Variants in SASH3 observed in about 807,000 individuals in gnomAD.
The protein encoded by SASH3 is SAM and SH3 domain-containing protein 3.
A neutral mutation model predicts 26.1 loss-of-function variants in SASH3; 7 were observed. That is an observed-to-expected ratio of 0.27 (90% CI 0.15 to 0.50). The LOEUF (loss-of-function observed/expected upper bound fraction) is 0.50, where lower values mean the gene tolerates loss of function less well. SASH3 is among the 20% of genes least tolerant of loss of function. SASH3 has a pLI of 0.98. For missense variants in SASH3, 231 were observed against 318.3 expected, an observed-to-expected ratio of 0.73 and a Z score of 2.09; for synonymous variants, 138 against 136.8, an observed-to-expected ratio of 1.01 and a Z score of -0.06.
At chrX:129,781,066 C>A (rs1219188479) in intron 1 of SASH3, among the ~76,000 whole-genome samples, 1 of 112,196 alleles carries the variant, frequency 8.9e-6, no homozygotes, top group Non-Finnish European at 1.9e-5. Context: ...TTGAAGGATT[C>A]TCCCAGACAA....
At chrX:129,785,606 G>A (rs1304658752) in intron 1 of SASH3, among the ~76,000 whole-genome samples, 2 of 112,163 alleles carry the variant, frequency 1.8e-5, no homozygotes, top group Admixed American at 9.4e-5. Flanking sequence ...TTAATGACAG[G>A]AAAAGGCCTT....
chrX:129,786,734 C>T (rs1027994956), intron 1 of SASH3, among the ~76,000 whole-genome samples: 3 of 112,174 alleles, frequency 2.7e-5, no homozygotes, highest in East Asian at 2.8e-4. Flanking sequence ...CGGTGGCTCA[C>T]GCCTGTAATC....
At chrX:129,789,161 GAAAGAGA>G (rs1233306202) in intron 3 of SASH3, among the ~76,000 whole-genome samples, 13 of 61,449 alleles carry the variant, frequency 2.1e-4, no homozygotes, top group East Asian at 1.9e-3. Flanking sequence ...AAGAAAGAAA[GAAAGAGA>G]AAAAAAAAAA....
chrX:129,780,741 C>T (rs1927001278), intron 1 of SASH3, among the ~76,000 whole-genome samples: 1 of 112,983 alleles, frequency 8.9e-6, no homozygotes, highest in Non-Finnish European at 1.9e-5. Flanking sequence ...GGGCCTGAGG[C>T]CATTCCAGTC....
At chrX:129,788,123 G>C in intron 2 of SASH3, 53 bp downstream of exon 2, 1 of 745,279 alleles carries the variant, frequency 1.3e-6, no homozygotes, top group Non-Finnish European at 2.0e-6. Flanking sequence ...GGGCAGGGGG[G>C]TGGGGGTGGG....
At chrX:129,783,188 C>T (rs1187481226) in intron 1 of SASH3, among the ~76,000 whole-genome samples, 1 of 111,440 alleles carries the variant, frequency 9.0e-6, no homozygotes, top group Non-Finnish European at 1.9e-5. Context: ...CTTTTCTACT[C>T]CCCCACCCAC....
chrX:129,788,158 G>C (rs1927143549), intron 2 of SASH3, 88 bp downstream of exon 2: 1 of 745,264 alleles, frequency 1.3e-6, no homozygotes, highest in Admixed American at 3.1e-5. Flanking sequence ...AGAGGAGATA[G>C]AATTGTTGGG....
intron 3 of SASH3, 67 bp from the exon 4 acceptor site, chrX:129,790,873 C>T (rs1927216572): frequency 8.7e-7 from 1 of 1,147,093 alleles, no homozygotes; most frequent in Non-Finnish European, 1.2e-6. Context: ...AAGCCCAGGC[C>T]CATTTCTTCA....
At chrX:129,786,048 T>G (rs1413313633) in intron 1 of SASH3, among the ~76,000 whole-genome samples, 1 of 111,295 alleles carries the variant, frequency 9.0e-6, no homozygotes, top group Non-Finnish European at 1.9e-5. Context: ...ATGGAGGAGA[T>G]GCAGGTGAAC....
At position 129,793,980 on chromosome X, in the gene SASH3, C is replaced by CA. The variant is rs1927283197; in HGVS notation, c.*149dup. 1 of 533,801 alleles carries CA rather than the reference C, an allele frequency of 1.9e-6. No homozygotes were observed. The highest frequency in any genetic ancestry group is 2.3e-5 in the African/African-American group (1 of 42,967). 44.0% of individuals were successfully genotyped at this position (533,801 alleles called of 1,213,427 possible). A position where few individuals can be genotyped will look rare whatever the true frequency, so the allele number is the denominator to read the frequency against. Reference sequence around the variant, plus strand: ...ACACTTAGGGCCACAGAGGCCAGGCCAGGGCCCTACAGGTTCCAGGCTCAG... The same window carrying CA: ...ACACTTAGGGCCACAGAGGCCAGGCCAAGGGCCCTACAGGTTCCAGGCTCAG... On this transcript the variant is annotated 3_prime_UTR_variant, in exon 8 of 8. Coordinates refer to ENST00000356892, the MANE Select transcript of SASH3 (RefSeq NM_018990.4).
In SASH3 at chrX:129,793,624, C is replaced by G; in HGVS notation, c.953-18C>G. Reference sequence around the variant, plus strand: ...ACCTCCACCCCCATATTCTGTCTCCCTCTCTCGTCCCTGGCAGCTGGCAGT... The same window carrying G: ...ACCTCCACCCCCATATTCTGTCTCCGTCTCTCGTCCCTGGCAGCTGGCAGT... On this transcript the variant is annotated intron_variant, in intron 7 of 7. Transcript: ENST00000356892. 2.5e-6 allele frequency: 3 copies of G among 1,207,473 alleles called. No homozygotes were observed. The highest frequency in any genetic ancestry group is 3.4e-6 in the Non-Finnish European group (3 of 892,211).
chrX:129,792,234 A>T (rs1927243779), intron 4 of SASH3, 94 bp from the exon 5 acceptor site: 1 of 1,016,549 alleles, frequency 9.8e-7, no homozygotes, highest in Non-Finnish European at 1.3e-6. Flanking sequence ...TACCCTTGGG[A>T]TTTCTAGGCA....
At chrX:129,784,376 A>T (rs187629773) in intron 1 of SASH3, among the ~76,000 whole-genome samples, 62 of 111,930 alleles carry the variant, frequency 5.5e-4, no homozygotes, top group Non-Finnish European at 9.4e-4. Flanking sequence ...GAAGGGTGAG[A>T]AACTACGGCT....
intron 2 of SASH3, 27 bp downstream of exon 2, chrX:129,788,097 T>C: frequency 1.3e-6 from 1 of 760,113 alleles, no homozygotes; most frequent in Non-Finnish European, 1.8e-6. Context: ...CCTTGTGGGA[T>C]CTGGCTGCAG....
rs1382441067 is a variant in SASH3, at chrX:129,793,049, C to T, written c.862C>T (p.Arg288Ter). The T allele has an allele frequency of 8.3e-7, 1 of 1,211,324 alleles. No individual in the cohort carries two copies. The highest frequency in any genetic ancestry group is 1.1e-6 in the Non-Finnish European group (1 of 895,231). ...GACACTGGAAGACTTCAAAGAGCTGCGAGAAACACACCTCAATGAGCTGAA... is the reference window on the plus strand; with the variant it reads ...GACACTGGAAGACTTCAAAGAGCTGTGAGAAACACACCTCAATGAGCTGAA... ...YQTLEDFKELRETHLNELNIM... is the reference protein window; with the variant it reads ...YQTLEDFKEL The change falls in exon 7 of 8, where the codon CGA becomes TGA. Residue 288 changes from arginine (R) to a stop codon, truncating the protein, a stop_gained. Transcript: ENST00000356892. LOFTEE classifies it high-confidence loss of function.
chrX:129,782,290 T>C (rs742250), intron 1 of SASH3, among the ~76,000 whole-genome samples: 11,146 of 111,634 alleles, frequency 0.1, 1,113 homozygotes, highest in East Asian at 0.35. Context: ...TGCACGTGCA[T>C]ACCACACAAG....
chrX:129,786,439 A>G (rs1927107786), intron 1 of SASH3, among the ~76,000 whole-genome samples: 1 of 110,209 alleles, frequency 9.1e-6, no homozygotes. Flanking sequence ...CAACCCCTTT[A>G]GTAGGAAAGA....
At chrX:129,788,137 G>GCTGGC in intron 2 of SASH3, 67 bp downstream of exon 2, 1 of 354,275 alleles carries the variant, frequency 2.8e-6, no homozygotes, top group Non-Finnish European at 5.4e-6. Flanking sequence ...GGGTGGGAGG[G>GCTGGC]AAGAGGGTGA....
chrX:129,789,167 G>GAGAA, intron 3 of SASH3, among the ~76,000 whole-genome samples: 30 of 13,773 alleles, frequency 2.2e-3, no homozygotes, highest in Non-Finnish European at 3.4e-3. Flanking sequence ...GAAAGAAAGA[G>GAGAA]AAAAAAAAAA....
Sources: allele counts gnomAD v4.1 joint callset (sites outside exome capture counted in the v4.1 genomes callset), GRCh38; gene constraint gnomAD v4.1.1; transcripts MANE v1.5; gene names NCBI Gene and HGNC (gene_info 2026-07-23, HGNC 2026-07-21).